CALR: variants seen among roughly 807,000 people sequenced by gnomAD.
The protein encoded by CALR is CRP55.
A neutral mutation model predicts 51.1 loss-of-function variants in CALR; 15 were observed. The ratio of observed to expected loss-of-function variants is 0.29; its 90% CI spans 0.20 to 0.45. CALR has a LOEUF of 0.45. CALR is among the 20% of genes least tolerant of loss of function. CALR has a pLI of 1.00. For synonymous variants in CALR, 239 were observed against 205.9 expected (o/e 1.16, Z -1.38); for missense variants, 477 against 530.6 (o/e 0.90, Z 0.99).
Position 12,940,537 on chromosome 19 carries a change from C to G in CALR, c.703-4C>G, listed in dbSNP as rs754231139. On this transcript the variant is annotated splice_polypyrimidine_tract_variant and splice_region_variant and intron_variant, in intron 5 of 8. Transcript: ENST00000316448. ...CAACTCTGATCTCTTCATCTACCCCCCAGGACTGGGACAAGCCCGAGCATA... is the reference window on the plus strand; with the variant it reads ...CAACTCTGATCTCTTCATCTACCCCGCAGGACTGGGACAAGCCCGAGCATA... The G allele has an allele frequency of 9.3e-6, 15 of 1,613,906 alleles. No individual in the cohort carries two copies. The Admixed American group carries it at 1.2e-4, about 13-fold the overall frequency.
chr19:12,939,737 G>A (rs1292082909), intron 3 of CALR, 106 bp downstream of exon 3: 11 of 954,038 alleles, frequency 1.2e-5, no homozygotes, highest in Non-Finnish European at 1.9e-5. Flanking sequence ...GGAGCTAAAA[G>A]AATAAGTCCC....
In CALR at chr19:12,943,477, C is replaced by T. The variant is rs149480020; in HGVS notation, c.961-60C>T. 1.7e-4 allele frequency: 251 copies of T among 1,481,402 alleles called. No homozygotes were observed. In the African/African-American group the frequency reaches 3.3e-3, roughly 19 times the overall value. 91.8% of individuals were successfully genotyped at this position (1,481,402 alleles called of 1,614,324 possible). A position where few individuals can be genotyped will look rare whatever the true frequency, so the allele number is the denominator to read the frequency against. ...GGTTATAGGAACACAGGTGGAAACC[C>T]TGTCCAAAGCAAGGGCTATCGGGTA... On this transcript the variant is annotated intron_variant, in intron 7 of 8. Coordinates refer to ENST00000316448, the MANE Select transcript of CALR (RefSeq NM_004343.4).
chr19:12,939,795 A>G (rs898633260), intron 3 of CALR, among the ~76,000 whole-genome samples, 164 bp downstream of exon 3: 3 of 152,166 alleles, frequency 2.0e-5, no homozygotes, highest in Non-Finnish European at 4.4e-5. Context: ...TGTTAATTTA[A>G]TTTGCGTGTT....
rs1971593722 is a variant in CALR at position 12,944,114 on chromosome 19, G to A, written c.*201G>A. The A allele has an allele frequency of 1.5e-5, 10 of 646,690 alleles. No homozygotes were observed. The highest frequency in any genetic ancestry group is 1.5e-4 in the African/African-American group (5 of 34,208). 40.1% of individuals were successfully genotyped at this position (646,690 alleles called of 1,614,324 possible). ...CTTTTTTTTTTTTTTTTTTAAACTG[G>A]TATTTTATCTTTGATTCTCCTTCAG... is the stretch of plus-strand genomic sequence containing the variant. On this transcript the variant is annotated 3_prime_UTR_variant, in exon 9 of 9. Coordinates refer to ENST00000316448, the MANE Select transcript of CALR (RefSeq NM_004343.4).
chr19:12,939,661 T>G, intron 3 of CALR, 30 bp downstream of exon 3: 3 of 1,581,368 alleles, frequency 1.9e-6, no homozygotes, highest in Non-Finnish European at 2.6e-6. Context: ...TGCTGATCTC[T>G]GTCCCATTAG....
chr19:12,941,274 C>G (rs1016297872), intron 7 of CALR, among the ~76,000 whole-genome samples: 1 of 151,826 alleles, frequency 6.6e-6, no homozygotes, highest in Admixed American at 6.6e-5. Flanking sequence ...GGCAACACAG[C>G]GAGGAGACCC....
rs56396276 is a variant in CALR, at chr19:12,943,077, C to CTTTTTT, written c.961-441_961-436dup. ...CCTGGCTGTCTCTCCATCTTTCCATCTTTTTTTTTTTTTTTTTTTTTTTTG... is the reference window on the plus strand; with the variant it reads ...CCTGGCTGTCTCTCCATCTTTCCATCTTTTTTTTTTTTTTTTTTTTTTTTTTTTTTG... On this transcript the variant is annotated intron_variant, in intron 7 of 8. Coordinates refer to ENST00000316448, the MANE Select transcript of CALR (RefSeq NM_004343.4). 3.9e-4 allele frequency: 30 copies of CTTTTTT among 77,432 alleles called. 2 individuals are homozygous for CTTTTTT. Among genetic ancestry groups the CTTTTTT allele is most frequent in the Middle Eastern group, 0.01 (1 of 100 alleles). 4.8% of individuals were successfully genotyped at this position (77,432 alleles called of 1,614,324 possible). A position where few individuals can be genotyped will look rare whatever the true frequency, so the allele number is the denominator to read the frequency against.
Position 12,938,652 on chromosome 19 carries a change from C to G in CALR, c.-28C>G. On this transcript the variant is annotated 5_prime_UTR_variant, in exon 1 of 9. Transcript: ENST00000316448. ...CTGCCGGAGGGTCGTTTTAAAGGGC[C>G]CGCGCGTTGCCGCCCCCTCGGCCCG... 38 of 1,575,828 alleles carry G rather than the reference C, an allele frequency of 2.4e-5. No homozygotes were observed. The highest frequency in any genetic ancestry group is 3.3e-5 in the Non-Finnish European group (38 of 1,155,116).
Position 12,940,776 on chromosome 19 carries a change from A to G in CALR, c.849A>G (p.Pro283=), listed in dbSNP as rs1971535225. The part of the protein sequence containing the change: ...GEWKPRQIDN[P]DYKGTWIHPE... ...GGAAGCCCCGGCAGATCGACAACCC[A>G]GATTACAAGGGCACTTGGATCCACC... Residue 283 remains proline (P), a synonymous_variant, in exon 7 of 9, where the codon CCA becomes CCG. Transcript: ENST00000316448. 1 of 1,614,032 alleles carries G rather than the reference A, an allele frequency of 6.2e-7. No individual in the cohort carries two copies. Among genetic ancestry groups the G allele is most frequent in the Non-Finnish European group, 8.5e-7 (1 of 1,180,022 alleles).
rs539257085 is a variant in CALR, at chr19:12,944,341, G to C, written c.*428G>C. The C allele has an allele frequency of 1.0e-3, 297 of 291,372 alleles. 2 individuals are homozygous for C. Among genetic ancestry groups the C allele is most frequent in the African/African-American group, 6.1e-3 (285 of 46,474 alleles). 18.0% of individuals were successfully genotyped at this position (291,372 alleles called of 1,614,324 possible). On this transcript the variant is annotated 3_prime_UTR_variant, in exon 9 of 9. Transcript: ENST00000316448. ...TCTCCAACCCCCCAGCACTGAGGAA[G>C]AACGGGGCTCTTCTCATTTCACCCC...
intron 1 of CALR, 88 bp downstream of exon 1, chr19:12,938,858 A>G: frequency 9.5e-7 from 1 of 1,057,658 alleles, no homozygotes; most frequent in East Asian, 2.6e-5. Flanking sequence ...ATTACCGTTT[A>G]GAGGTCCAAC....
intron 7 of CALR, 46 bp downstream of exon 7, chr19:12,940,933 C>T (rs765171227): frequency 6.9e-6 from 11 of 1,592,572 alleles, no homozygotes; most frequent in Non-Finnish European, 8.6e-6. Context: ...ACCTCAAGTG[C>T]ATAAGATCAC....
chr19:12,938,953 CG>C, intron 1 of CALR, 180 bp from the exon 2 acceptor site: 1 of 727,518 alleles, frequency 1.4e-6, no homozygotes, highest in East Asian at 2.7e-5. Context: ...CCTCCCGCGG[CG>C]GGAGTTAGGG....
intron 3 of CALR, 31 bp from the exon 4 acceptor site, chr19:12,940,022 T>C (rs202120337): frequency 2.0e-5 from 30 of 1,497,722 alleles, no homozygotes; most frequent in Non-Finnish European, 2.7e-5. Flanking sequence ...GGGTAGTCTC[T>C]GACTCTTAAC....
chr19:12,938,926 C>T (rs1212371212), intron 1 of CALR, 156 bp downstream of exon 1: 4 of 765,120 alleles, frequency 5.2e-6, no homozygotes, highest in African/African-American at 1.7e-5. Context: ...CCCTGGGGAG[C>T]GCGGAGGGCG....
At chr19:12,941,568 C>A (rs1971547419) in intron 7 of CALR, among the ~76,000 whole-genome samples, 1 of 151,370 alleles carries the variant, frequency 6.6e-6, no homozygotes, top group South Asian at 2.1e-4. Context: ...GCACGACCCC[C>A]CAGGTTCACT....
At chr19:12,943,115 C>CA (rs1971572152) in intron 7 of CALR, 2 of 114,096 alleles carry the variant, frequency 1.8e-5, no homozygotes. Flanking sequence ...GATGGAGTCT[C>CA]ACTCTGTCAC....
chr19:12,943,516 T>A lies in CALR; in HGVS notation c.961-21T>A, dbSNP rs114348087. 8.5e-4 allele frequency: 1,375 copies of A among 1,609,368 alleles called. 8 individuals carry two copies. In the African/African-American group the frequency reaches 0.016, roughly 19 times the overall value. On this transcript the variant is annotated intron_variant, in intron 7 of 8. Coordinates refer to ENST00000316448, the MANE Select transcript of CALR (RefSeq NM_004343.4). ...GGCTATCGGGTATCACCTCTGACCA[T>A]CCTTCCCATTCATCCTCCAGGTCAA...
chr19:12,943,680 G>C (rs372723204), intron 8 of CALR, 33 bp from the exon 9 acceptor site: 8 of 1,614,002 alleles, frequency 5.0e-6, no homozygotes, highest in Non-Finnish European at 8.5e-7. Flanking sequence ...GCTGGCAGGG[G>C]GCAAGGCCCT....
Sources: allele counts gnomAD v4.1 joint callset (sites outside exome capture counted in the v4.1 genomes callset), GRCh38; gene constraint gnomAD v4.1.1; transcripts MANE v1.5; gene names NCBI Gene and HGNC (gene_info 2026-07-23, HGNC 2026-07-21).